The following B3GAT2 variants were observed in gnomAD, a reference collection of about 807,000 sequenced individuals.
The protein encoded by B3GAT2 is beta-1,3-glucuronyltransferase 2, also known as galactosylgalactosylxylosylprotein 3-beta-glucuronosyltransferase 2.
A neutral mutation model predicts 27.8 loss-of-function variants in B3GAT2; 26 were observed. The ratio of observed to expected loss-of-function variants is 0.93; its 90% CI spans 0.68 to 1.30. The LOEUF (loss-of-function observed/expected upper bound fraction) is 1.30, where lower values mean the gene tolerates loss of function less well. Among genes scored for constraint, B3GAT2 ranks in the 50% most tolerant of loss-of-function variants. B3GAT2 has a pLI of 0.00. For synonymous variants in B3GAT2, 218 were observed against 195.1 expected (o/e 1.12, Z -0.98); for missense variants, 458 against 459.0 (o/e 1.00, Z 0.02).
intron 1 of B3GAT2, among the ~76,000 whole-genome samples, chr6:70,923,169 A>G (rs1772899491): frequency 6.6e-6 from 1 of 152,208 alleles, no homozygotes; most frequent in Non-Finnish European, 1.5e-5. Flanking sequence ...TGGTTTAGAC[A>G]TTGGGACCTA....
rs548348636 is a variant in B3GAT2, at chr6:70,905,986, T to C, written c.592-11714A>G. On this transcript the variant is annotated intron_variant, in intron 1 of 3. Transcript: ENST00000230053. ...TGTTCAACTATTTATCTTCACTACATAAAAGGGAGCTGAGTTCACTACAGG... is the reference window on the plus strand; with the variant it reads ...TGTTCAACTATTTATCTTCACTACACAAAAGGGAGCTGAGTTCACTACAGG... Among the ~76,000 whole-genome samples the C allele has an allele frequency of 8.5e-5, 13 of 152,126 alleles. No individual in the cohort carries two copies. In the South Asian group the frequency reaches 2.7e-3, roughly 32 times the overall value.
intron 1 of B3GAT2, among the ~76,000 whole-genome samples, chr6:70,949,287 T>A (rs1321840929): frequency 5.6e-4 from 85 of 152,056 alleles, no homozygotes; most frequent in Non-Finnish European, 6.9e-4. Context: ...AATGGGAGAA[T>A]ATTTTCGCAA....
intron 1 of B3GAT2, among the ~76,000 whole-genome samples, chr6:70,914,716 C>A (rs888849475): frequency 2.6e-5 from 4 of 151,626 alleles, no homozygotes; most frequent in African/African-American, 9.7e-5. Flanking sequence ...TAAATATTTA[C>A]AGAAATGGGA....
Position 70,859,842 on chromosome 6 carries a change from T to A in B3GAT2, c.*1821A>T, listed in dbSNP as rs1452866813. 1.6e-4 allele frequency: 29 copies of A among 186,892 alleles called. No homozygotes were observed. The highest frequency in any genetic ancestry group is 1.1e-5 in the Non-Finnish European group (1 of 90,790). The allele number at this position is 186,892 out of a possible 1,614,324, so 11.6% of individuals were successfully genotyped here. A position where few individuals can be genotyped will look rare whatever the true frequency, so the allele number is the denominator to read the frequency against. On this transcript the variant is annotated 3_prime_UTR_variant, in exon 4 of 4. Coordinates refer to ENST00000230053, the MANE Select transcript of B3GAT2 (RefSeq NM_080742.3). ...TATCTATCATACAAAGTTTATAGGA[T>A]AATTTTAGACTATTTTACTTCCTAA... is the stretch of plus-strand genomic sequence containing the variant.
chr6:70,881,928 G>T (rs2150026919), intron 2 of B3GAT2, among the ~76,000 whole-genome samples: 1 of 152,248 alleles, frequency 6.6e-6, no homozygotes, highest in East Asian at 1.9e-4. Context: ...TTCCAGCATG[G>T]TTTTAGATAT....
At chr6:70,939,794 A>G (rs1250773390) in intron 1 of B3GAT2, among the ~76,000 whole-genome samples, 5 of 152,028 alleles carry the variant, frequency 3.3e-5, no homozygotes, top group Admixed American at 6.5e-5. Flanking sequence ...ACCTAATGCT[A>G]AAAGACTAGT....
chr6:70,943,968 C>CA (rs1562236562), intron 1 of B3GAT2, among the ~76,000 whole-genome samples: 1 of 152,094 alleles, frequency 6.6e-6, no homozygotes, highest in East Asian at 1.9e-4. Context: ...ACCACACACA[C>CA]AAAAAATGAT....
At chr6:70,884,485 G>C (rs1248834219) in intron 2 of B3GAT2, among the ~76,000 whole-genome samples, 2 of 152,140 alleles carry the variant, frequency 1.3e-5, no homozygotes, top group Non-Finnish European at 2.9e-5. Flanking sequence ...AGGCAGACCC[G>C]AGCGCCCTCC....
At chr6:70,934,519 C>T (rs376705605) in intron 1 of B3GAT2, among the ~76,000 whole-genome samples, 17 of 152,214 alleles carry the variant, frequency 1.1e-4, no homozygotes, top group East Asian at 9.7e-4. Flanking sequence ...ATTAAGAAAG[C>T]CAATGTCTCT....
Position 70,860,548 on chromosome 6 carries a change from T to C in B3GAT2, c.*1115A>G, listed in dbSNP as rs1771673490. On this transcript the variant is annotated 3_prime_UTR_variant, in exon 4 of 4. Transcript: ENST00000230053. ...CATTTTATGTCAAGGGCAGCTTTGC[T>C]CATATTTCCCATGATTTCATGTACT... 1 of 488,068 alleles carries C rather than the reference T, an allele frequency of 2.0e-6. No homozygotes were observed. The highest frequency in any genetic ancestry group is 3.4e-6 in the Non-Finnish European group (1 of 292,238). The allele number at this position is 488,068 out of a possible 1,614,324, so 30.2% of individuals were successfully genotyped here.
rs537570004 is a variant in B3GAT2 at position 70,860,564 on chromosome 6, T to G, written c.*1099A>C. 2.2e-6 allele frequency: 1 copy of G among 456,860 alleles called. No individual in the cohort carries two copies. The highest frequency in any genetic ancestry group is 4.0e-5 in the Admixed American group (1 of 25,052). The allele number at this position is 456,860 out of a possible 1,614,324, so 28.3% of individuals were successfully genotyped here. A position where few individuals can be genotyped will look rare whatever the true frequency, so the allele number is the denominator to read the frequency against. ...CAGCTTTGCTCATATTTCCCATGAT[T>G]TCATGTACTGCATTATTTGAGAAGC... On this transcript the variant is annotated 3_prime_UTR_variant, in exon 4 of 4. Coordinates refer to ENST00000230053, the MANE Select transcript of B3GAT2 (RefSeq NM_080742.3).
Position 70,859,641 on chromosome 6 carries a change from A to T in B3GAT2, c.*2022T>A. 4.3e-6 allele frequency: 1 copy of T among 229,910 alleles called. No individual in the cohort carries two copies. Among genetic ancestry groups the T allele is most frequent in the Non-Finnish European group, 8.5e-6 (1 of 118,148 alleles). The allele number at this position is 229,910 out of a possible 1,614,324, so 14.2% of individuals were successfully genotyped here. A position where few individuals can be genotyped will look rare whatever the true frequency, so the allele number is the denominator to read the frequency against. On this transcript the variant is annotated 3_prime_UTR_variant, in exon 4 of 4. Transcript: ENST00000230053. ...AGAGAATCACAGGGTTAAGATGCTT[A>T]TATATATATATATTTGACTCCAGTC... is the stretch of plus-strand genomic sequence containing the variant.
chr6:70,865,914 A>G (rs1392637141), intron 2 of B3GAT2, among the ~76,000 whole-genome samples: 1 of 152,236 alleles, frequency 6.6e-6, no homozygotes, highest in Non-Finnish European at 1.5e-5. Context: ...GTATGTTTTC[A>G]GGCTACACCA....
intron 1 of B3GAT2, among the ~76,000 whole-genome samples, chr6:70,894,494 G>A (rs1772346346): frequency 6.6e-6 from 1 of 152,162 alleles, no homozygotes. Context: ...TAGGGCTCAA[G>A]GTTTAGGAGA....
intron 1 of B3GAT2, among the ~76,000 whole-genome samples, chr6:70,947,872 C>T (rs574797874): frequency 6.6e-6 from 1 of 152,190 alleles, no homozygotes; most frequent in South Asian, 2.1e-4. Flanking sequence ...ACATCAAAAC[C>T]TTACTCACCA....
At chr6:70,909,404 T>C (rs1490149529) in intron 1 of B3GAT2, among the ~76,000 whole-genome samples, 2 of 152,186 alleles carry the variant, frequency 1.3e-5, no homozygotes, top group African/African-American at 2.4e-5. Flanking sequence ...GTGGCTTTAT[T>C]AATATCAGAC....
chr6:70,859,816 A>ATATC lies in B3GAT2; in HGVS notation c.*1843_*1846dup, dbSNP rs538011127. On this transcript the variant is annotated 3_prime_UTR_variant, in exon 4 of 4. Coordinates refer to ENST00000230053, the MANE Select transcript of B3GAT2 (RefSeq NM_080742.3). Reference sequence around the variant, plus strand: ...GTATATAAGATTTTAATAGAGAATAATATCTATCATACAAAGTTTATAGGA... The same window carrying ATATC: ...GTATATAAGATTTTAATAGAGAATAATATCTATCTATCATACAAAGTTTATAGGA... 7.3e-5 allele frequency: 13 copies of ATATC among 179,262 alleles called. No individual in the cohort carries two copies. In the South Asian group the frequency reaches 2.1e-3, roughly 29 times the overall value. 11.1% of individuals were successfully genotyped at this position (179,262 alleles called of 1,614,324 possible).
At chr6:70,906,264 C>T (rs1772600740) in intron 1 of B3GAT2, among the ~76,000 whole-genome samples, 1 of 152,178 alleles carries the variant, frequency 6.6e-6, no homozygotes, top group South Asian at 2.1e-4. Flanking sequence ...AAATTAGGTA[C>T]TATTCCAGCA....
In B3GAT2 at chr6:70,857,960, C is replaced by T; in HGVS notation, c.*3703G>A. Reference sequence around the variant, plus strand: ...ACCCACAAATATACCATTTACCTCACAAGCACCAGCTGCATTTCAGGGCTT... The same window carrying T: ...ACCCACAAATATACCATTTACCTCATAAGCACCAGCTGCATTTCAGGGCTT... On this transcript the variant is annotated 3_prime_UTR_variant, in exon 4 of 4. Coordinates refer to ENST00000230053, the MANE Select transcript of B3GAT2 (RefSeq NM_080742.3). 2 of 1,614,118 alleles carry T rather than the reference C, an allele frequency of 1.2e-6. No individual in the cohort carries two copies.
Sources: gnomAD v4.1 joint callset for allele counts (sites outside exome capture counted in the v4.1 genomes callset) on GRCh38, gnomAD v4.1.1 for gene constraint, MANE v1.5 for transcripts, NCBI Gene and HGNC (gene_info 2026-07-23, HGNC 2026-07-21) for gene names.